The following LRRC8B variants were observed in gnomAD, a reference collection of about 807,000 sequenced individuals.
The protein encoded by LRRC8B is leucine rich repeat containing 8 VRAC subunit B.
Under a neutral mutation model 58.8 loss-of-function variants are expected in LRRC8B, and 23 were observed. That is an observed-to-expected ratio of 0.39 (90% CI 0.28 to 0.55). The LOEUF is 0.55. Among genes scored for constraint, LRRC8B ranks in the 20% least tolerant of loss-of-function variants. LRRC8B has a pLI of 0.62. For missense variants in LRRC8B, 694 were observed against 936.0 expected, an observed-to-expected ratio of 0.74 and a Z score of 3.37; for synonymous variants, 359 against 374.1, an observed-to-expected ratio of 0.96 and a Z score of 0.47.
chr1:89,592,684 T>TG (rs987030699), intron 5 of LRRC8B, 87 bp from the exon 6 acceptor site: 26 of 676,160 alleles, frequency 3.8e-5, no homozygotes, highest in Non-Finnish European at 5.2e-5. Context: ...AAATGTTTTG[T>TG]TTTTTTTTTT....
intron 1 of LRRC8B, among the ~76,000 whole-genome samples, chr1:89,563,781 A>G (rs1004990028): frequency 1.3e-5 from 2 of 152,322 alleles, no homozygotes; most frequent in African/African-American, 4.8e-5. Context: ...AAACAACTCC[A>G]TTAGGTTGAA....
At chr1:89,558,097 G>A (rs892594220) in intron 1 of LRRC8B, among the ~76,000 whole-genome samples, 8 of 152,310 alleles carry the variant, frequency 5.3e-5, no homozygotes, top group Admixed American at 1.3e-4. Context: ...GAGACAGGCA[G>A]CATGATAAAG....
intron 3 of LRRC8B, among the ~76,000 whole-genome samples, chr1:89,569,520 G>A (rs1054428574): frequency 2.6e-5 from 4 of 151,914 alleles, no homozygotes; most frequent in Non-Finnish European, 5.9e-5. Context: ...TTATATCTAT[G>A]TGTACCCAAT....
At chr1:89,574,378 C>T (rs1310368885) in intron 3 of LRRC8B, among the ~76,000 whole-genome samples, 1 of 152,138 alleles carries the variant, frequency 6.6e-6, no homozygotes, top group East Asian at 1.9e-4. Context: ...GCTTTGAGAC[C>T]AGGTGTCAGT....
chr1:89,546,782 C>T (rs1651436994), intron 1 of LRRC8B, among the ~76,000 whole-genome samples: 2 of 152,204 alleles, frequency 1.3e-5, no homozygotes, highest in Admixed American at 1.3e-4. Flanking sequence ...GTTCCTCCTC[C>T]TTCTTGCTGA....
At chr1:89,588,802 A>G (rs1654800792) in intron 5 of LRRC8B, among the ~76,000 whole-genome samples, 1 of 152,196 alleles carries the variant, frequency 6.6e-6, no homozygotes, top group Non-Finnish European at 1.5e-5. Context: ...AGACTCTCAT[A>G]CCTGAAAGGA....
At chr1:89,559,847 CAA>C (rs1019860696) in intron 1 of LRRC8B, among the ~76,000 whole-genome samples, 5 of 152,080 alleles carry the variant, frequency 3.3e-5, no homozygotes, top group Non-Finnish European at 5.9e-5. Flanking sequence ...GTCGCTTTTT[CAA>C]AGAGACCAGT....
Position 89,583,002 on chromosome 1 carries a change from G to C in LRRC8B, c.352G>C (p.Ala118Pro). The change falls in exon 5 of 6, where the codon GCA becomes CCA. Residue 118 changes from alanine (A) to proline (P), a missense_variant. By Grantham distance (27) the Ala-to-Pro change is conservative. Coordinates refer to ENST00000330947, the MANE Select transcript of LRRC8B (RefSeq NM_001369817.2). The surrounding 1 kb of genome is among the most constrained non-coding windows in gnomAD (Gnocchi z 5.2). ...VCYEKQLHWF[A>P]KFFPYLVLLH... ...TTACGAGAAACAGCTCCATTGGTTT[G>C]CAAAGTTTTTCCCCTATCTGGTGCT... The C allele has an allele frequency of 2.5e-6, 4 of 1,614,138 alleles. No individual in the cohort carries two copies. The highest frequency in any genetic ancestry group is 3.4e-6 in the Non-Finnish European group (4 of 1,180,022).
chr1:89,593,801 A>T lies in LRRC8B; in HGVS notation c.*758A>T, dbSNP rs946262001. The T allele has an allele frequency of 4.6e-5, 7 of 152,036 alleles. No individual in the cohort carries two copies. The highest frequency in any genetic ancestry group is 1.5e-4 in the African/African-American group (6 of 41,372). 9.4% of individuals were successfully genotyped at this position (152,036 alleles called of 1,614,324 possible). A position where few individuals can be genotyped will look rare whatever the true frequency, so the allele number is the denominator to read the frequency against. On this transcript the variant is annotated 3_prime_UTR_variant, in exon 6 of 6. Transcript: ENST00000330947. ...TGAATTTTCTTGATGTATACTCACG[A>T]CTGTCTTTGATTTATGTTCCTAAAT...
chr1:89,596,940 T>C lies in LRRC8B; in HGVS notation c.*3897T>C, dbSNP rs1655333080. ...TGTACATTGCATCAGAATCTGTTTATTTCTATCTGGAAACAGACAGAATGG... is the reference window on the plus strand; with the variant it reads ...TGTACATTGCATCAGAATCTGTTTACTTCTATCTGGAAACAGACAGAATGG... On this transcript the variant is annotated 3_prime_UTR_variant, in exon 6 of 6. Coordinates refer to ENST00000330947, the MANE Select transcript of LRRC8B (RefSeq NM_001369817.2). The C allele has an allele frequency of 6.6e-6, 1 of 152,230 alleles. No individual in the cohort carries two copies. The highest frequency in any genetic ancestry group is 1.5e-5 in the Non-Finnish European group (1 of 68,026). 9.4% of individuals were successfully genotyped at this position (152,230 alleles called of 1,614,324 possible).
chr1:89,585,667 C>T (rs1261461145), intron 5 of LRRC8B, among the ~76,000 whole-genome samples: 7 of 151,894 alleles, frequency 4.6e-5, no homozygotes, highest in African/African-American at 1.5e-4. Context: ...AAATTAGCTG[C>T]GCGTGGTGGC....
At chr1:89,590,702 T>C (rs1236944477) in intron 5 of LRRC8B, among the ~76,000 whole-genome samples, 1 of 152,182 alleles carries the variant, frequency 6.6e-6, no homozygotes, top group Non-Finnish European at 1.5e-5. Flanking sequence ...CAGTAGGAAA[T>C]CAGTCCAGTT....
chr1:89,564,927 A>T (rs779444463), intron 1 of LRRC8B, among the ~76,000 whole-genome samples: 2 of 152,232 alleles, frequency 1.3e-5, no homozygotes, highest in Non-Finnish European at 2.9e-5. Flanking sequence ...GCTGATTTGC[A>T]GTGCATGACA....
chr1:89,549,031 C>G (rs1196744021), intron 1 of LRRC8B, among the ~76,000 whole-genome samples: 1 of 152,108 alleles, frequency 6.6e-6, no homozygotes, highest in Non-Finnish European at 1.5e-5. Context: ...ATTATTCACT[C>G]AAAAACTATT....
chr1:89,556,237 G>T (rs764488190), intron 1 of LRRC8B, among the ~76,000 whole-genome samples: 3 of 152,144 alleles, frequency 2.0e-5, no homozygotes, highest in Non-Finnish European at 4.4e-5. Context: ...ACATCGAAGT[G>T]CTGGGAGGGT....
At chr1:89,528,954 G>C (rs773850105) in intron 1 of LRRC8B, among the ~76,000 whole-genome samples, 15 of 152,166 alleles carry the variant, frequency 9.9e-5, no homozygotes, top group Non-Finnish European at 2.2e-4. Context: ...CTGGAATAGA[G>C]ACTGGGAAAT....
In LRRC8B at chr1:89,586,291, A is replaced by G. The variant is rs116577372; in HGVS notation, c.2139+1502A>G. Among the ~76,000 whole-genome samples, 1,151 of 152,314 alleles carry G rather than the reference A, an allele frequency of 7.6e-3. 10 individuals are homozygous for G. Among genetic ancestry groups the G allele is most frequent in the African/African-American group, 0.026 (1,097 of 41,550 alleles). ...CTGGCCTAGTGACTGCACTCTGAAA[A>G]ATCACAAGTCTAGAAGTGTATCAGT... On this transcript the variant is annotated intron_variant, in intron 5 of 5. Transcript: ENST00000330947.
chr1:89,578,342 T>A (rs1653994676), intron 3 of LRRC8B, among the ~76,000 whole-genome samples: 1 of 152,206 alleles, frequency 6.6e-6, no homozygotes, highest in African/African-American at 2.4e-5. Context: ...GTTTCACACA[T>A]CAGATGTCTT....
chr1:89,534,900 A>G (rs1015037229), intron 1 of LRRC8B, among the ~76,000 whole-genome samples: 7 of 152,102 alleles, frequency 4.6e-5, no homozygotes, highest in East Asian at 1.9e-4. Context: ...CTGACTCCCA[A>G]AAGGATTTTT....
Sources: gnomAD v4.1 joint callset for allele counts (sites outside exome capture counted in the v4.1 genomes callset) on GRCh38, gnomAD v4.1.1 for gene constraint, Gnocchi (gnomAD v3.1) non-coding constraint, MANE v1.5 for transcripts, NCBI Gene and HGNC (gene_info 2026-07-23, HGNC 2026-07-21) for gene names.